CPQ: variants seen among roughly 807,000 people sequenced by gnomAD.
CPQ encodes carboxypeptidase Q, also known as Ser-Met dipeptidase.
Under a neutral mutation model 45.7 loss-of-function variants are expected in CPQ, and 37 were observed. The ratio of observed to expected loss-of-function variants is 0.81; its 90% CI spans 0.62 to 1.07. The LOEUF (loss-of-function observed/expected upper bound fraction) is 1.07, where lower values mean the gene tolerates loss of function less well. Ranked by LOEUF, CPQ falls within the 50% of genes least tolerant of loss-of-function variation. CPQ has a pLI of 0.00. For synonymous variants in CPQ, 186 were observed against 205.8 expected, an observed-to-expected ratio of 0.90 and a Z score of 0.82; for missense variants, 537 against 572.9, an observed-to-expected ratio of 0.94 and a Z score of 0.64.
rs191102837 is a variant in CPQ at position 96,645,849 on chromosome 8, G to A, written c.-35+447G>A. Among the ~76,000 whole-genome samples the A allele has an allele frequency of 1.3e-3, 202 of 150,916 alleles. 2 individuals are homozygous for A. The highest frequency in any genetic ancestry group is 4.3e-3 in the Admixed American group (65 of 15,132). ...TTTGGGGTTCCTTTCGCATTTTACC[G>A]TGTACTTTCGCTTTTGATGCGTCTA... On this transcript the variant is annotated intron_variant, in intron 1 of 7. Coordinates refer to ENST00000220763, the MANE Select transcript of CPQ (RefSeq NM_016134.4).
chr8:96,752,773 A>T (rs1218422944), intron 1 of CPQ, among the ~76,000 whole-genome samples: 3 of 152,032 alleles, frequency 2.0e-5, no homozygotes, highest in African/African-American at 7.2e-5. Flanking sequence ...TTTGTCATAT[A>T]TGGCTCTGAT....
intron 2 of CPQ, among the ~76,000 whole-genome samples, chr8:96,801,761 A>T (rs1458902976): frequency 2.0e-5 from 3 of 152,114 alleles, no homozygotes; most frequent in African/African-American, 7.2e-5. Context: ...CTTTTTAATA[A>T]ACACCCCATT....
chr8:96,691,389 G>A, intron 1 of CPQ, among the ~76,000 whole-genome samples: 1 of 152,102 alleles, frequency 6.6e-6, no homozygotes, highest in Admixed American at 6.6e-5. Context: ...AATTATATCT[G>A]TAAAGTCCCT....
Position 96,757,808 on chromosome 8 carries a change from T to C in CPQ, c.-34-27056T>C, listed in dbSNP as rs202243431. Among the ~76,000 whole-genome samples, 5 of 152,308 alleles carry C rather than the reference T, an allele frequency of 3.3e-5. No homozygotes were observed. The East Asian group carries it at 9.6e-4, about 29-fold the overall frequency. On this transcript the variant is annotated intron_variant, in intron 1 of 7. Transcript: ENST00000220763. ...ATCTATTTTTTCTGTTGTTGAAGTATCTTTTTTTCCATAATCCCATTGTTG... is the reference window on the plus strand; with the variant it reads ...ATCTATTTTTTCTGTTGTTGAAGTACCTTTTTTTCCATAATCCCATTGTTG...
chr8:96,686,569 A>G (rs1277904427), intron 1 of CPQ, among the ~76,000 whole-genome samples: 1 of 152,012 alleles, frequency 6.6e-6, no homozygotes, highest in African/African-American at 2.4e-5. Flanking sequence ...GGTATATTAT[A>G]CTTTAATGTG....
intron 3 of CPQ, among the ~76,000 whole-genome samples, chr8:96,869,052 T>C (rs1156883329): frequency 6.6e-6 from 1 of 152,054 alleles, no homozygotes; most frequent in Non-Finnish European, 1.5e-5. Context: ...GTGCCATTGA[T>C]ATAAACATTT....
At chr8:96,654,359 T>G (rs1815613809) in intron 1 of CPQ, among the ~76,000 whole-genome samples, 1 of 152,238 alleles carries the variant, frequency 6.6e-6, no homozygotes, top group Non-Finnish European at 1.5e-5. Flanking sequence ...AGTTTTCTCC[T>G]GCAGGAACTT....
chr8:97,002,265 A>G (rs573311993), intron 5 of CPQ, among the ~76,000 whole-genome samples: 4 of 151,858 alleles, frequency 2.6e-5, no homozygotes, highest in Admixed American at 6.6e-5. Context: ...ATCTCCTTCA[A>G]TTCAGCTCAG....
chr8:96,930,299 A>T (rs950317125), intron 4 of CPQ, among the ~76,000 whole-genome samples: 7 of 152,198 alleles, frequency 4.6e-5, no homozygotes, highest in African/African-American at 1.7e-4. Flanking sequence ...AGAACTGTTG[A>T]ATTTCCTTTT....
chr8:96,986,491 T>G (rs1808982836), intron 5 of CPQ, among the ~76,000 whole-genome samples: 1 of 152,148 alleles, frequency 6.6e-6, no homozygotes, highest in Non-Finnish European at 1.5e-5. Flanking sequence ...TAAGCAGTTT[T>G]CCCTTATTCC....
At chr8:97,084,836 GTC>G (rs1004495853) in intron 7 of CPQ, among the ~76,000 whole-genome samples, 2,856 of 150,890 alleles carry the variant, frequency 0.019, 84 homozygotes, top group African/African-American at 0.062. Context: ...GTGTGTGTGT[GTC>G]TCTCTGTGTG....
intron 4 of CPQ, among the ~76,000 whole-genome samples, chr8:96,949,562 G>C (rs574205473): frequency 6.6e-6 from 1 of 152,228 alleles, no homozygotes; most frequent in African/African-American, 2.4e-5. Context: ...CAGGTGGTTT[G>C]ATTCTGTGCC....
At chr8:96,709,549 C>T (rs1290992038) in intron 1 of CPQ, among the ~76,000 whole-genome samples, 3 of 152,042 alleles carry the variant, frequency 2.0e-5, no homozygotes, top group Non-Finnish European at 2.9e-5. Context: ...AACCGTGCTG[C>T]GATAAACATA....
rs185196309 is a variant in CPQ, at chr8:97,115,351, G to T, written c.1256-27669G>T. On this transcript the variant is annotated intron_variant, in intron 7 of 7. Transcript: ENST00000220763. ...AGTGTGAGCCTGCTGAAAACTCAGGGAAACTGTTGAAGGTTTATCAACCCG... is the reference window on the plus strand; with the variant it reads ...AGTGTGAGCCTGCTGAAAACTCAGGTAAACTGTTGAAGGTTTATCAACCCG... Among the ~76,000 whole-genome samples the T allele has an allele frequency of 1.6e-3, 249 of 152,302 alleles. 3 individuals carry two copies. Among genetic ancestry groups the T allele is most frequent in the Admixed American group, 0.013 (193 of 15,304 alleles).
chr8:96,991,855 G>A (rs1202289918), intron 5 of CPQ, among the ~76,000 whole-genome samples: 1 of 152,040 alleles, frequency 6.6e-6, no homozygotes, highest in African/African-American at 2.4e-5. Flanking sequence ...GGTGGATTTT[G>A]GTTTGGATTT....
chr8:97,022,526 A>C (rs1809706616), intron 5 of CPQ, among the ~76,000 whole-genome samples: 1 of 152,156 alleles, frequency 6.6e-6, no homozygotes, highest in South Asian at 2.1e-4. Context: ...AACTCAAACA[A>C]ATCAGCAAGA....
chr8:96,705,708 T>C (rs114211982), intron 1 of CPQ, among the ~76,000 whole-genome samples: 3,470 of 152,152 alleles, frequency 0.023, 147 homozygotes, highest in African/African-American at 0.079. Flanking sequence ...TTCTATTCCC[T>C]CTCTCTTGAC....
chr8:96,822,248 C>T (rs957419224), intron 2 of CPQ, among the ~76,000 whole-genome samples: 9 of 152,036 alleles, frequency 5.9e-5, no homozygotes, highest in East Asian at 1.9e-4. Context: ...TTTGGTAAGG[C>T]CGAATAGTAA....
intron 1 of CPQ, among the ~76,000 whole-genome samples, chr8:96,684,935 T>TA (rs111289419): frequency 1.5e-3 from 221 of 145,404 alleles, no homozygotes; most frequent in Middle Eastern, 6.9e-3. Flanking sequence ...CCATCTCTAC[T>TA]AAAAAAAAAA....
Sources: allele counts gnomAD v4.1 joint callset (sites outside exome capture counted in the v4.1 genomes callset), GRCh38; gene constraint gnomAD v4.1.1; transcripts MANE v1.5; gene names NCBI Gene and HGNC (gene_info 2026-07-23, HGNC 2026-07-21).